LHFPL5: variants seen among roughly 807,000 people sequenced by gnomAD.
LHFPL5 encodes LHFPL tetraspan subfamily member 5 protein.
LHFPL5 carries 12 observed loss-of-function variants against 18.7 expected under a neutral mutation model. The ratio of observed to expected loss-of-function variants is 0.64; its 90% CI spans 0.41 to 1.04. The LOEUF is 1.04. Among genes scored for constraint, LHFPL5 ranks in the 50% least tolerant of loss-of-function variants. The pLI is 0.00. For missense variants in LHFPL5, 259 were observed against 292.1 expected (o/e 0.89, Z 0.83); for synonymous variants, 111 against 120.2 (o/e 0.92, Z 0.50).
At chr6:35,820,113 T>C (rs1207052412) in intron 3 of LHFPL5, among the ~76,000 whole-genome samples, 2 of 152,176 alleles carry the variant, frequency 1.3e-5, no homozygotes, top group Admixed American at 1.3e-4. Context: ...GGACCCTTAT[T>C]TTCAGAAAGA....
Position 35,805,448 on chromosome 6 carries a change from G to C in LHFPL5, c.-223G>C, listed in dbSNP as rs1768552298. 1.7e-6 allele frequency: 1 copy of C among 579,590 alleles called. No individual in the cohort carries two copies. The highest frequency in any genetic ancestry group is 3.1e-6 in the Non-Finnish European group (1 of 322,382). 35.9% of individuals were successfully genotyped at this position (579,590 alleles called of 1,614,324 possible). ...AGGCAGGAGACTGGAGACAGCCTCG[G>C]CTAGAGCGGACACAGGCACCTGGCA... On this transcript the variant is annotated 5_prime_UTR_variant, in exon 1 of 4. Coordinates refer to ENST00000360215, the MANE Select transcript of LHFPL5 (RefSeq NM_182548.4). The surrounding 1 kb of genome is among the most constrained non-coding windows in gnomAD (Gnocchi z 4.3).
intron 1 of LHFPL5, among the ~76,000 whole-genome samples, chr6:35,807,653 A>G (rs1768593253): frequency 6.6e-6 from 1 of 152,184 alleles, no homozygotes; most frequent in Admixed American, 6.5e-5. Flanking sequence ...AAGACTGCAG[A>G]GTTGGAGGGG....
intron 1 of LHFPL5, among the ~76,000 whole-genome samples, chr6:35,810,696 G>A (rs774964636): frequency 3.3e-5 from 5 of 151,792 alleles, no homozygotes; most frequent in Admixed American, 6.6e-5. Flanking sequence ...GCTTGGTGGC[G>A]GGCGCCTGTA....
intron 1 of LHFPL5, among the ~76,000 whole-genome samples, chr6:35,806,314 TTCTGAGCCCAGAACCTCA>T (rs1320499764): frequency 1.7e-4 from 26 of 151,586 alleles, no homozygotes; most frequent in Admixed American, 4.6e-4. Context: ...ACAGATGAGG[TTCTGAGCCCAGAACCTCA>T]TCTGAGCCCA....
intron 3 of LHFPL5, among the ~76,000 whole-genome samples, chr6:35,821,483 G>GTGTGTGTA (rs1464407360): frequency 2.7e-5 from 4 of 150,622 alleles, no homozygotes; most frequent in Non-Finnish European, 5.9e-5. Flanking sequence ...GTGTGTGTGT[G>GTGTGTGTA]TGTGTGTGTG....
intron 2 of LHFPL5, among the ~76,000 whole-genome samples, chr6:35,818,376 T>TA: frequency 1.2e-5 from 1 of 82,960 alleles, no homozygotes; most frequent in Non-Finnish European, 2.4e-5. Context: ...TTTTTTTTTT[T>TA]GAGACAGATT....
At position 35,814,549 on chromosome 6, in the gene LHFPL5, C is replaced by T; in HGVS notation, c.416C>T (p.Thr139Ile). 6.2e-7 allele frequency: 1 copy of T among 1,613,432 alleles called. No individual in the cohort carries two copies. Among genetic ancestry groups the T allele is most frequent in the South Asian group, 1.1e-5 (1 of 91,068 alleles). ...ICAWMQLAAATGLMIGCLVYP... is the reference protein window; with the variant it reads ...ICAWMQLAAAIGLMIGCLVYP... ...TGCACCCCTCCTTCCCCCTCAGCCA[C>T]AGGCCTAATGATTGGCTGCCTGGTC... is the stretch of plus-strand genomic sequence containing the variant. Residue 139 changes from threonine (T) to isoleucine (I), a missense_variant, in exon 2 of 4, where the codon ACA becomes ATA. Thr to Ile is a moderately conservative substitution (Grantham distance 89). Transcript: ENST00000360215. The surrounding 1 kb of genome is among the most constrained non-coding windows in gnomAD (Gnocchi z 4.2).
intron 3 of LHFPL5, 82 bp downstream of exon 3, chr6:35,819,545 C>T: frequency 1.6e-6 from 2 of 1,269,182 alleles, no homozygotes; most frequent in South Asian, 1.2e-5. Context: ...CCTCAGGCAT[C>T]AGGACACCAG....
At chr6:35,821,451 G>GTT (rs1768864987) in intron 3 of LHFPL5, among the ~76,000 whole-genome samples, 1 of 47,478 alleles carries the variant, frequency 2.1e-5, no homozygotes, top group Non-Finnish European at 4.3e-5. Context: ...CATAATCTTT[G>GTT]TGTGTGTGTG....
chr6:35,816,212 G>A (rs537529136), intron 2 of LHFPL5, among the ~76,000 whole-genome samples: 40 of 150,430 alleles, frequency 2.7e-4, no homozygotes, highest in Non-Finnish European at 5.5e-4. Context: ...TGGGTGCGGT[G>A]GCTCGCAGCT....
intron 2 of LHFPL5, among the ~76,000 whole-genome samples, chr6:35,818,554 G>C (rs577108951): frequency 6.6e-6 from 1 of 151,400 alleles, no homozygotes; most frequent in Non-Finnish European, 1.5e-5. Context: ...TAGAGACGGG[G>C]TTCCACCATG....
intron 2 of LHFPL5, among the ~76,000 whole-genome samples, chr6:35,817,882 T>C (rs967586656): frequency 6.6e-6 from 1 of 152,186 alleles, no homozygotes; most frequent in Admixed American, 6.6e-5. Context: ...AAAACAAATG[T>C]TCACACAAAA....
chr6:35,822,056 T>C (rs1768878094), intron 3 of LHFPL5, among the ~76,000 whole-genome samples: 2 of 151,464 alleles, frequency 1.3e-5, no homozygotes, highest in African/African-American at 4.9e-5. Context: ...TTTTGTTTTT[T>C]TTGTTTGTTT....
intron 1 of LHFPL5, among the ~76,000 whole-genome samples, chr6:35,808,500 T>C (rs1187884536): frequency 7.0e-6 from 1 of 142,082 alleles, no homozygotes; most frequent in Non-Finnish European, 1.5e-5. Flanking sequence ...ATACAAAAAT[T>C]AGCTGGGTTA....
intron 1 of LHFPL5, among the ~76,000 whole-genome samples, chr6:35,813,054 C>CA (rs1207945675): frequency 1.6e-4 from 24 of 148,832 alleles, no homozygotes; most frequent in East Asian, 1.2e-3. Flanking sequence ...GACTCTGTCT[C>CA]AAAAAAAAAG....
At chr6:35,812,042 C>T (rs187431412) in intron 1 of LHFPL5, among the ~76,000 whole-genome samples, 4 of 152,278 alleles carry the variant, frequency 2.6e-5, no homozygotes, top group African/African-American at 9.6e-5. Context: ...TCTTTGAGCC[C>T]TCAGTTTTCT....
chr6:35,819,677 T>G, intron 3 of LHFPL5: 1 of 569,320 alleles, frequency 1.8e-6, no homozygotes, highest in Non-Finnish European at 3.1e-6. Flanking sequence ...TAGTTTTACC[T>G]GTGTCTTTTT....
At chr6:35,816,981 CAT>C (rs376878784) in intron 2 of LHFPL5, among the ~76,000 whole-genome samples, 143 of 152,000 alleles carry the variant, frequency 9.4e-4, no homozygotes, top group African/African-American at 3.3e-3. Context: ...TACCTCACAC[CAT>C]ATACAAAAAT....
chr6:35,809,572 C>T (rs6457857), intron 1 of LHFPL5, among the ~76,000 whole-genome samples: 55,440 of 152,022 alleles, frequency 0.36, 10,993 homozygotes, highest in African/African-American at 0.52. Flanking sequence ...GGCATGAACA[C>T]ACCTCATTGC....
Sources: allele counts gnomAD v4.1 joint callset (sites outside exome capture counted in the v4.1 genomes callset), GRCh38; gene constraint gnomAD v4.1.1; non-coding constraint Gnocchi (gnomAD v3.1); transcripts MANE v1.5; gene names NCBI Gene and HGNC (gene_info 2026-07-23, HGNC 2026-07-21).